TRAPPC10: variants seen among roughly 807,000 people sequenced by gnomAD.
The protein encoded by TRAPPC10 is TRAPP 130 kDa subunit.
TRAPPC10 carries 23 observed loss-of-function variants against 125.5 expected under a neutral mutation model. The ratio of observed to expected loss-of-function variants is 0.18; its 90% CI spans 0.13 to 0.26. The LOEUF (loss-of-function observed/expected upper bound fraction) is 0.26. Ranked by LOEUF, TRAPPC10 falls within the 10% of genes least tolerant of loss-of-function variation. The pLI is 1.00. For missense variants in TRAPPC10, 1,123 were observed against 1,308.4 expected (o/e 0.86, Z 2.19); for synonymous variants, 509 against 518.0 (o/e 0.98, Z 0.24).
At chr21:44,068,543 T>C (rs547744950) in intron 7 of TRAPPC10, among the ~76,000 whole-genome samples, 9 of 152,294 alleles carry the variant, frequency 5.9e-5, no homozygotes, top group African/African-American at 2.2e-4. Flanking sequence ...GTGAAGAGTT[T>C]GGAAACTTCT....
At position 44,012,364 on chromosome 21, in the gene TRAPPC10, A is replaced by C; in HGVS notation, c.-130A>C. ...CAGCAGCGGGCGGCAGCTGCGGCGC[A>C]ACCGGCTCCGGAGCTGCCTGGCGCG... is the stretch of plus-strand genomic sequence containing the variant. On this transcript the variant is annotated 5_prime_UTR_variant, in exon 1 of 23. Transcript: ENST00000291574. 2.8e-6 allele frequency: 1 copy of C among 360,120 alleles called. No homozygotes were observed. Among genetic ancestry groups the C allele is most frequent in the Non-Finnish European group, 3.9e-6 (1 of 258,590 alleles). The allele number at this position is 360,120 out of a possible 1,614,324, so 22.3% of individuals were successfully genotyped here. A position where few individuals can be genotyped will look rare whatever the true frequency, so the allele number is the denominator to read the frequency against.
At chr21:44,021,771 G>A (rs2032523440) in intron 1 of TRAPPC10, among the ~76,000 whole-genome samples, 1 of 152,130 alleles carries the variant, frequency 6.6e-6, no homozygotes. Context: ...TATTGGATTA[G>A]ATGAGGAAGA....
At chr21:44,044,360 G>T (rs1240617197) in intron 3 of TRAPPC10, among the ~76,000 whole-genome samples, 1 of 150,416 alleles carries the variant, frequency 6.6e-6, no homozygotes, top group Non-Finnish European at 1.5e-5. Flanking sequence ...AAAAAAAGGA[G>T]TAAGTTGATA....
intron 19 of TRAPPC10, 137 bp downstream of exon 19, chr21:44,092,186 C>T (rs1601835152): frequency 1.8e-6 from 2 of 1,096,826 alleles, no homozygotes; most frequent in South Asian, 1.8e-5. Context: ...TGTGCAGCTC[C>T]TCCGGCTGCC....
chr21:44,093,947 G>A, intron 19 of TRAPPC10, 116 bp from the exon 20 acceptor site: 4 of 1,097,152 alleles, frequency 3.6e-6, no homozygotes, highest in Non-Finnish European at 5.2e-6. Context: ...GTGAGGCGGG[G>A]CCTGCCCATG....
chr21:44,059,498 G>C lies in TRAPPC10; in HGVS notation c.790+284G>C, dbSNP rs1201138063. On this transcript the variant is annotated intron_variant, in intron 6 of 22. Transcript: ENST00000291574. This position sits in a 1 kb window ranked among gnomAD's most constrained non-coding sequence, Gnocchi z 4.4. Reference sequence around the variant, plus strand: ...TGTCCTTTCCACAACTCAGTGGCCTGCTGGTGATGCTTCGATTCTGTCCCT... The same window carrying C: ...TGTCCTTTCCACAACTCAGTGGCCTCCTGGTGATGCTTCGATTCTGTCCCT... The C allele has an allele frequency of 1.3e-6, 1 of 756,876 alleles. No homozygotes were observed. Among genetic ancestry groups the C allele is most frequent in the African/African-American group, 1.7e-5 (1 of 58,780 alleles). 46.9% of individuals were successfully genotyped at this position (756,876 alleles called of 1,614,324 possible).
chr21:44,014,593 G>GTTTTTTTT (rs374497169), intron 1 of TRAPPC10, among the ~76,000 whole-genome samples: 1 of 136,756 alleles, frequency 7.3e-6, no homozygotes, highest in Non-Finnish European at 1.6e-5. Flanking sequence ...GTTTGTTTTT[G>GTTTTTTTT]TTTTTTTTTT....
intron 5 of TRAPPC10, among the ~76,000 whole-genome samples, chr21:44,058,209 T>C (rs532536603): frequency 6.6e-6 from 1 of 152,244 alleles, no homozygotes; most frequent in East Asian, 1.9e-4. Context: ...CTGACTGGGC[T>C]GGGGACTTAG....
chr21:44,062,626 A>G (rs1033205618), intron 6 of TRAPPC10: 4 of 984,786 alleles, frequency 4.1e-6, no homozygotes, highest in Non-Finnish European at 4.8e-6. Flanking sequence ...GGGTGCTCCA[A>G]TAGCCCTGAG....
intron 2 of TRAPPC10, among the ~76,000 whole-genome samples, chr21:44,034,580 C>T (rs956489729): frequency 7.2e-5 from 11 of 152,216 alleles, no homozygotes; most frequent in African/African-American, 2.4e-4. Flanking sequence ...GAAAAGACTA[C>T]GTTTTTCAGA....
chr21:44,026,138 T>G (rs2147212145), intron 1 of TRAPPC10, among the ~76,000 whole-genome samples: 1 of 152,224 alleles, frequency 6.6e-6, no homozygotes, highest in African/African-American at 2.4e-5. Flanking sequence ...TGACTAAACC[T>G]TGCTTTCTAC....
At chr21:44,079,372 G>T in intron 11 of TRAPPC10, 192 bp from the exon 12 acceptor site, 1 of 542,482 alleles carries the variant, frequency 1.8e-6, no homozygotes. Context: ...CTTTGCCTGG[G>T]AGTCTAATTA....
chr21:44,016,226 G>A (rs1274535879), intron 1 of TRAPPC10, among the ~76,000 whole-genome samples: 4 of 152,166 alleles, frequency 2.6e-5, no homozygotes, highest in African/African-American at 9.7e-5. Flanking sequence ...TTAAATTTTA[G>A]CGTAGATTTG....
At chr21:44,016,566 AG>A (rs1376104354) in intron 1 of TRAPPC10, among the ~76,000 whole-genome samples, 1 of 152,198 alleles carries the variant, frequency 6.6e-6, no homozygotes, top group Non-Finnish European at 1.5e-5. Flanking sequence ...AAACTTTTAA[AG>A]GGGAAAACAG....
In TRAPPC10 at chr21:44,063,656, G is replaced by C. The variant is rs777096009; in HGVS notation, c.909G>C (p.Leu303=). The change falls in exon 7 of 23, where the codon CTG becomes CTC. Residue 303 remains leucine (L), a synonymous_variant. Coordinates refer to ENST00000291574, the MANE Select transcript of TRAPPC10 (RefSeq NM_003274.5). This position sits in a 1 kb window ranked among gnomAD's most constrained non-coding sequence, Gnocchi z 4.4. Reference sequence around the variant, plus strand: ...CGATCCAGAGGCGAGAAGCCACCCTGTTAGATCTGCGCAGTTACCTGTTCT... The same window carrying C: ...CGATCCAGAGGCGAGAAGCCACCCTCTTAGATCTGCGCAGTTACCTGTTCT... ...RESIQRREAT[L]LDLRSYLFSR... is the part of the protein sequence containing the mutation. The C allele has an allele frequency of 6.2e-7, 1 of 1,614,240 alleles. No homozygotes were observed. Among genetic ancestry groups the C allele is most frequent in the Non-Finnish European group, 8.5e-7 (1 of 1,180,032 alleles).
At chr21:44,013,215 C>T (rs1232252545) in intron 1 of TRAPPC10, among the ~76,000 whole-genome samples, 1 of 152,182 alleles carries the variant, frequency 6.6e-6, no homozygotes. Context: ...TCTTGGGTGT[C>T]GTGTCCTCCC....
chr21:44,074,615 G>A (rs1363418220), intron 8 of TRAPPC10, 145 bp downstream of exon 8: 17 of 1,097,742 alleles, frequency 1.5e-5, no homozygotes, highest in Non-Finnish European at 2.2e-5. Flanking sequence ...GTGTCTGGGT[G>A]CAGCCAAAGA....
chr21:44,019,757 C>T (rs959716784), intron 1 of TRAPPC10, among the ~76,000 whole-genome samples: 3 of 152,196 alleles, frequency 2.0e-5, no homozygotes, highest in Non-Finnish European at 4.4e-5. Context: ...TTGTGGGGCA[C>T]CATGCCACCT....
chr21:44,045,769 G>A (rs1176521585), intron 3 of TRAPPC10, among the ~76,000 whole-genome samples: 2 of 152,050 alleles, frequency 1.3e-5, no homozygotes, highest in African/African-American at 4.8e-5. Context: ...TGTTGGCCAG[G>A]CTAGTCTCGA....
Sources: allele counts gnomAD v4.1 joint callset (sites outside exome capture counted in the v4.1 genomes callset), GRCh38; gene constraint gnomAD v4.1.1; non-coding constraint Gnocchi (gnomAD v3.1); transcripts MANE v1.5; gene names NCBI Gene and HGNC (gene_info 2026-07-23, HGNC 2026-07-21).